Variants in SMAP1 observed in about 807,000 individuals in gnomAD.
The protein encoded by SMAP1 is stromal membrane-associated protein 1.
A neutral mutation model predicts 58.5 loss-of-function variants in SMAP1; 24 were observed. That is an observed-to-expected ratio of 0.41 (90% CI 0.30 to 0.58). The LOEUF (loss-of-function observed/expected upper bound fraction) is 0.58, where lower values mean the gene tolerates loss of function less well. SMAP1 is among the 20% of genes least tolerant of loss of function. The probability of loss-of-function intolerance (pLI) is 0.29; values close to 1 mark genes in which losing one functional copy is unlikely to be tolerated. For missense variants in SMAP1, 563 were observed against 566.3 expected, an observed-to-expected ratio of 0.99 and a Z score of 0.06; for synonymous variants, 216 against 196.6, an observed-to-expected ratio of 1.10 and a Z score of -0.82.
chr6:70,860,034 C>A (rs1771640201), intron 10 of SMAP1, 166 bp from the exon 11 acceptor site: 2 of 654,886 alleles, frequency 3.1e-6, no homozygotes, highest in South Asian at 3.5e-5. Flanking sequence ...AAGAAGGGAA[C>A]AAAGTAGCTA....
chr6:70,774,652 G>A (rs1017866861), intron 4 of SMAP1, among the ~76,000 whole-genome samples: 10 of 152,102 alleles, frequency 6.6e-5, no homozygotes, highest in Admixed American at 6.5e-4. Flanking sequence ...GCCAAGGTGG[G>A]AGGATCATTT....
intron 1 of SMAP1, among the ~76,000 whole-genome samples, chr6:70,687,931 T>C (rs990178532): frequency 3.3e-5 from 5 of 152,180 alleles, no homozygotes; most frequent in African/African-American, 1.2e-4. Context: ...TGTGTTGCCC[T>C]CTTAAAACCA....
In SMAP1 at chr6:70,842,865, C is replaced by T. The variant is rs184771884; in HGVS notation, c.664+5837C>T. On this transcript the variant is annotated intron_variant, in intron 7 of 10. Transcript: ENST00000370455. Reference sequence around the variant, plus strand: ...GTGCAGCATCCTATCCTCAGGACCACGCCTAAAGGATGGCTTTTCCTTACC... The same window carrying T: ...GTGCAGCATCCTATCCTCAGGACCATGCCTAAAGGATGGCTTTTCCTTACC... Among the ~76,000 whole-genome samples the T allele has an allele frequency of 2.1e-3, 327 of 152,246 alleles. 1 individual carries two copies. Among genetic ancestry groups the T allele is most frequent in the African/African-American group, 7.5e-3 (311 of 41,544 alleles).
chr6:70,794,633 A>G (rs1768517297), intron 5 of SMAP1, among the ~76,000 whole-genome samples: 1 of 152,072 alleles, frequency 6.6e-6, no homozygotes, highest in Admixed American at 6.6e-5. Flanking sequence ...GTTCCCACCT[A>G]TGAGTGGAAC....
At chr6:70,855,808 T>C (rs984453296) in intron 8 of SMAP1, among the ~76,000 whole-genome samples, 2 of 152,224 alleles carry the variant, frequency 1.3e-5, no homozygotes, top group Non-Finnish European at 2.9e-5. Context: ...AGCTTAGATA[T>C]ATTTTATTCA....
Position 70,817,461 on chromosome 6 carries a change from G to T in SMAP1, c.576+18724G>T, listed in dbSNP as rs562796559. 1.5e-3 allele frequency among the ~76,000 whole-genome samples: 228 copies of T among 152,134 alleles called. 1 individual carries two copies. The highest frequency in any genetic ancestry group is 5.3e-3 in the African/African-American group (219 of 41,536). ...GATACAAAATAGAGTCTTCTTTTCT[G>T]CAAGCTCTTATCCATTGCTTTCAGA... On this transcript the variant is annotated intron_variant, in intron 6 of 10. Coordinates refer to ENST00000370455, the MANE Select transcript of SMAP1 (RefSeq NM_001044305.3).
chr6:70,764,826 G>T (rs1281874104), intron 3 of SMAP1, among the ~76,000 whole-genome samples: 1 of 151,850 alleles, frequency 6.6e-6, no homozygotes, highest in Non-Finnish European at 1.5e-5. Context: ...TTTTGACAGG[G>T]TCTCACTCCA....
intron 6 of SMAP1, among the ~76,000 whole-genome samples, chr6:70,807,336 G>A (rs574262461): frequency 4.2e-4 from 64 of 152,286 alleles, no homozygotes; most frequent in African/African-American, 1.5e-3. Context: ...ACCTAAAAAT[G>A]TAATGAGTCA....
intron 1 of SMAP1, among the ~76,000 whole-genome samples, chr6:70,715,488 A>G (rs1226103766): frequency 1.3e-5 from 2 of 152,160 alleles, no homozygotes; most frequent in Non-Finnish European, 2.9e-5. Flanking sequence ...GTTTTCAGCC[A>G]TTATGTCTTT....
intron 1 of SMAP1, among the ~76,000 whole-genome samples, chr6:70,721,119 C>G (rs951187034): frequency 5.3e-5 from 8 of 152,168 alleles, no homozygotes; most frequent in Non-Finnish European, 8.8e-5. Flanking sequence ...TGAATTTCTC[C>G]CTAGAAAATG....
chr6:70,697,864 T>C (rs1208348146), intron 1 of SMAP1, among the ~76,000 whole-genome samples: 2 of 152,238 alleles, frequency 1.3e-5, no homozygotes, highest in Non-Finnish European at 2.9e-5. Context: ...TATTGTATTG[T>C]GTCTTGAAAA....
chr6:70,730,599 C>G (rs1425738392), intron 1 of SMAP1, among the ~76,000 whole-genome samples: 1 of 152,160 alleles, frequency 6.6e-6, no homozygotes, highest in Admixed American at 6.5e-5. Flanking sequence ...TGTAATTTCT[C>G]AAATTTAAAA....
At chr6:70,757,486 C>A (rs372499489) in intron 3 of SMAP1, among the ~76,000 whole-genome samples, 8 of 152,028 alleles carry the variant, frequency 5.3e-5, no homozygotes, top group South Asian at 2.1e-4. Context: ...AAAACACCAA[C>A]AGCAATGGCA....
chr6:70,743,482 G>A (rs1406630805), intron 2 of SMAP1, among the ~76,000 whole-genome samples: 1 of 152,168 alleles, frequency 6.6e-6, no homozygotes, highest in Admixed American at 6.5e-5. Flanking sequence ...GGAGAACTCT[G>A]TGTTAGAATA....
intron 7 of SMAP1, chr6:70,837,712 A>G: frequency 2.5e-6 from 2 of 789,198 alleles, no homozygotes; most frequent in South Asian, 3.3e-5. Flanking sequence ...AATTGGCTTG[A>G]TGAAAGGTTA....
chr6:70,805,414 G>A (rs1294066688), intron 6 of SMAP1, among the ~76,000 whole-genome samples: 1 of 151,904 alleles, frequency 6.6e-6, no homozygotes. Context: ...ACCTTTTTTC[G>A]AGGTTTTTAA....
At chr6:70,762,800 C>T (rs1766806937) in intron 3 of SMAP1, among the ~76,000 whole-genome samples, 1 of 152,024 alleles carries the variant, frequency 6.6e-6, no homozygotes, top group Non-Finnish European at 1.5e-5. Context: ...ATGTATACTT[C>T]CTAGAGATAA....
At chr6:70,681,507 T>C (rs761274849) in intron 1 of SMAP1, among the ~76,000 whole-genome samples, 2 of 152,260 alleles carry the variant, frequency 1.3e-5, no homozygotes, top group Non-Finnish European at 2.9e-5. Flanking sequence ...TATGTAGCAG[T>C]TTCTCAATTC....
intron 6 of SMAP1, among the ~76,000 whole-genome samples, chr6:70,804,851 T>C (rs778967364): frequency 1.4e-4 from 22 of 152,336 alleles, no homozygotes; most frequent in Non-Finnish European, 2.2e-4. Flanking sequence ...CTATAGTGTT[T>C]CTGCTGAGAG....
Sources: allele counts gnomAD v4.1 joint callset (sites outside exome capture counted in the v4.1 genomes callset), GRCh38; gene constraint gnomAD v4.1.1; transcripts MANE v1.5; gene names NCBI Gene and HGNC (gene_info 2026-07-23, HGNC 2026-07-21).